The following ITPRID1 variants were observed in gnomAD, a reference collection of about 807,000 sequenced individuals.
ITPRID1 encodes ITPR interacting domain containing 1.
ITPRID1 carries 96 observed loss-of-function variants against 95.4 expected under a neutral mutation model. That is an observed-to-expected ratio of 1.01 (90% CI 0.85 to 1.19). ITPRID1 has a LOEUF of 1.19. Among genes scored for constraint, ITPRID1 ranks in the 50% most tolerant of loss-of-function variants. ITPRID1 has a pLI of 0.00. For missense variants in ITPRID1, 1,339 were observed against 1,252.9 expected, an observed-to-expected ratio of 1.07 and a Z score of -1.04; for synonymous variants, 510 against 453.6, an observed-to-expected ratio of 1.12 and a Z score of -1.58.
chr7:31,629,263 A>T (rs1377294784), intron 10 of ITPRID1, among the ~76,000 whole-genome samples: 2 of 131,788 alleles, frequency 1.5e-5, no homozygotes, highest in Admixed American at 1.7e-4. Flanking sequence ...GACAAAGAAG[A>T]TATGTGTGTT....
intron 7 of ITPRID1, 35 bp from the exon 8 acceptor site, chr7:31,574,505 T>G (rs749983515): frequency 2.5e-6 from 4 of 1,593,714 alleles, no homozygotes; most frequent in Middle Eastern, 1.7e-4. Context: ...GGGTTAACTG[T>G]TTCTGGATAA....
chr7:31,625,152 G>T (rs1788328136), intron 10 of ITPRID1, among the ~76,000 whole-genome samples: 1 of 152,132 alleles, frequency 6.6e-6, no homozygotes, highest in Non-Finnish European at 1.5e-5. Flanking sequence ...TGGAGAAATA[G>T]GAACACTTTT....
At chr7:31,514,576 A>AGC (rs1782992050) in intron 1 of ITPRID1, among the ~76,000 whole-genome samples, 1 of 152,124 alleles carries the variant, frequency 6.6e-6, no homozygotes, top group Non-Finnish European at 1.5e-5. Context: ...GGAGAGAGAG[A>AGC]GTCCAGCAGG....
chr7:31,580,562 TG>T (rs1785363637), intron 9 of ITPRID1, among the ~76,000 whole-genome samples: 1 of 152,170 alleles, frequency 6.6e-6, no homozygotes, highest in Admixed American at 6.5e-5. Flanking sequence ...TGTTAGTCCT[TG>T]ATTGGTATAC....
intron 12 of ITPRID1, among the ~76,000 whole-genome samples, chr7:31,650,101 C>T (rs550446186): frequency 6.6e-6 from 1 of 152,132 alleles, no homozygotes; most frequent in Non-Finnish European, 1.5e-5. Flanking sequence ...GGGACAGAGG[C>T]CCAAACCTTC....
At chr7:31,583,786 A>G (rs1785491762) in intron 10 of ITPRID1, among the ~76,000 whole-genome samples, 1 of 152,190 alleles carries the variant, frequency 6.6e-6, no homozygotes, top group Non-Finnish European at 1.5e-5. Context: ...AATGAATTTC[A>G]TGGGACTGAG....
At position 31,569,475 on chromosome 7, in the gene ITPRID1, A is replaced by C. The variant is rs577229859; in HGVS notation, c.257-283A>C. Among the ~76,000 whole-genome samples, 32 of 152,270 alleles carry C rather than the reference A, an allele frequency of 2.1e-4. No homozygotes were observed. The South Asian group carries it at 6.4e-3, about 31-fold the overall frequency. ...CAGCCATCAAATTCTCCCATTCTTA[A>C]AAATCCAAGACAAGTACCACTTCCT... On this transcript the variant is annotated intron_variant, in intron 5 of 14. Transcript: ENST00000615280.
Position 31,550,768 on chromosome 7 carries a change from G to T in ITPRID1, c.-24+1269G>T, listed in dbSNP as rs921271330. Among the ~76,000 whole-genome samples the T allele has an allele frequency of 2.2e-4, 25 of 111,962 alleles. 2 individuals carry two copies. The highest frequency in any genetic ancestry group is 6.8e-4 in the East Asian group (2 of 2,952). The allele number at this position is 111,962 out of a possible 152,430, so 73.5% of individuals were successfully genotyped here. On this transcript the variant is annotated intron_variant, in intron 2 of 14. Coordinates refer to ENST00000615280, the MANE Select transcript of ITPRID1 (RefSeq NM_001257967.3). The stretch of plus-strand genomic sequence containing the variant: ...TCTGTGGCCAAGTACAACAGAGCTG[G>T]CAGACAGAATATCCTCACTGGTTGT...
At chr7:31,597,452 A>C (rs1786134454) in intron 10 of ITPRID1, among the ~76,000 whole-genome samples, 1 of 151,790 alleles carries the variant, frequency 6.6e-6, no homozygotes, top group African/African-American at 2.4e-5. Context: ...ATCAGTCTCC[A>C]TGCATCAGCA....
Position 31,642,906 on chromosome 7 carries a change from G to T in ITPRID1, c.1536G>T (p.Glu512Asp), listed in dbSNP as rs1227290987. The change falls in exon 12 of 15, where the codon GAG becomes GAT. Residue 512 changes from glutamate to aspartate, a missense_variant. By Grantham distance (45) the Glu-to-Asp change is conservative. Transcript: ENST00000615280. Reference sequence around the variant, plus strand: ...AAGAGTTTCTGCTTGAGGCCATGGAGGGGCCACCAGAGCTGTATATCCCAG... The same window carrying T: ...AAGAGTTTCTGCTTGAGGCCATGGATGGGCCACCAGAGCTGTATATCCCAG... ...MEEEFLLEAM[E>D]GPPELYIPDM... 2 of 1,613,898 alleles carry T rather than the reference G, an allele frequency of 1.2e-6. No individual in the cohort carries two copies. Among genetic ancestry groups the T allele is most frequent in the East Asian group, 4.5e-5 (2 of 44,890 alleles).
intron 5 of ITPRID1, among the ~76,000 whole-genome samples, chr7:31,556,877 G>C (rs931180315): frequency 6.6e-6 from 1 of 151,918 alleles, no homozygotes; most frequent in Non-Finnish European, 1.5e-5. Context: ...CACAGTTATG[G>C]AGTCTGGAAG....
chr7:31,550,531 T>C (rs1403286604), intron 2 of ITPRID1, among the ~76,000 whole-genome samples: 1 of 152,154 alleles, frequency 6.6e-6, no homozygotes, highest in African/African-American at 2.4e-5. Context: ...TCTGTGTCCC[T>C]TTCCGAAGGG....
rs573449948 is a variant in ITPRID1, at chr7:31,597,490, G to GA, written c.1228+14310dup. On this transcript the variant is annotated intron_variant, in intron 10 of 14. Coordinates refer to ENST00000615280, the MANE Select transcript of ITPRID1 (RefSeq NM_001257967.3). ...AACCAACTGGAAGCACATTAAAGCA[G>GA]AAAAAAAAAAACCCCACAACAACAG... Among the ~76,000 whole-genome samples the GA allele has an allele frequency of 5.1e-3, 693 of 136,768 alleles. 5 individuals are homozygous for GA. Among genetic ancestry groups the GA allele is most frequent in the Admixed American group, 0.03 (404 of 13,674 alleles). 89.7% of individuals were successfully genotyped at this position (136,768 alleles called of 152,430 possible).
At chr7:31,579,271 CTG>C in intron 9 of ITPRID1, among the ~76,000 whole-genome samples, 1 of 152,162 alleles carries the variant, frequency 6.6e-6, no homozygotes, top group South Asian at 2.1e-4. Flanking sequence ...TTGTTGTTAA[CTG>C]TGTTATTTAG....
At chr7:31,561,511 T>C (rs1480991660) in intron 5 of ITPRID1, among the ~76,000 whole-genome samples, 4 of 152,222 alleles carry the variant, frequency 2.6e-5, no homozygotes, top group Non-Finnish European at 5.9e-5. Context: ...CCTTTAGCTA[T>C]GACAGATGCC....
At chr7:31,591,192 C>A (rs1785850842) in intron 10 of ITPRID1, among the ~76,000 whole-genome samples, 1 of 152,132 alleles carries the variant, frequency 6.6e-6, no homozygotes, top group Non-Finnish European at 1.5e-5. Context: ...AATTTGTCAT[C>A]CTTGCAATCA....
intron 7 of ITPRID1, among the ~76,000 whole-genome samples, chr7:31,574,145 T>A (rs1329750865): frequency 6.6e-6 from 1 of 150,784 alleles, no homozygotes; most frequent in East Asian, 2.0e-4. Context: ...CTTCTTTTAG[T>A]CTACTGTTTA....
intron 10 of ITPRID1, among the ~76,000 whole-genome samples, chr7:31,622,353 G>A (rs1787996607): frequency 6.6e-6 from 1 of 152,020 alleles, no homozygotes; most frequent in South Asian, 2.1e-4. Flanking sequence ...CCAGATAGTT[G>A]GAAGTAAAGC....
chr7:31,531,066 C>A (rs1470282173), intron 1 of ITPRID1, among the ~76,000 whole-genome samples: 1 of 152,194 alleles, frequency 6.6e-6, no homozygotes, highest in Non-Finnish European at 1.5e-5. Flanking sequence ...CCAGAGCAGG[C>A]TCCTCCAGGA....
Sources: gnomAD v4.1 joint callset for allele counts (sites outside exome capture counted in the v4.1 genomes callset) on GRCh38, gnomAD v4.1.1 for gene constraint, MANE v1.5 for transcripts, NCBI Gene and HGNC (gene_info 2026-07-23, HGNC 2026-07-21) for gene names.